TEP1: variants seen among roughly 807,000 people sequenced by gnomAD.
The protein encoded by TEP1 is telomerase associated protein 1.
TEP1 carries 241 observed loss-of-function variants against 306.3 expected under a neutral mutation model. The observed-to-expected ratio is 0.79, with a 90% CI of 0.71 to 0.88. The LOEUF is 0.88. Ranked by LOEUF, TEP1 falls within the 40% of genes least tolerant of loss-of-function variation. The probability of loss-of-function intolerance (pLI) is 0.00; values close to 1 mark genes in which losing one functional copy is unlikely to be tolerated. For missense variants in TEP1, 3,051 were observed against 3,276.1 expected (o/e 0.93, Z 1.68); for synonymous variants, 1,289 against 1,305.5 (o/e 0.99, Z 0.27).
intron 48 of TEP1, 49 bp from the exon 49 acceptor site, chr14:20,372,906 C>A: frequency 6.2e-7 from 1 of 1,613,338 alleles, no homozygotes; most frequent in East Asian, 2.2e-5. Flanking sequence ...AGCCAGGATG[C>A]ACCATCTTTT....
In TEP1 at chr14:20,367,503, G is replaced by C. The variant is rs1884541215; in HGVS notation, c.*934C>G. ...AAGACACTTTCGTGATCTCTTCTGA[G>C]AATGCCAATTACCATATTGACTAAA... On this transcript the variant is annotated 3_prime_UTR_variant, in exon 55 of 55. Coordinates refer to ENST00000262715, the MANE Select transcript of TEP1 (RefSeq NM_007110.5). 6.6e-6 allele frequency: 1 copy of C among 152,008 alleles called. No individual in the cohort carries two copies. The highest frequency in any genetic ancestry group is 1.5e-5 in the Non-Finnish European group (1 of 68,028). The allele number at this position is 152,008 out of a possible 1,614,324, so 9.4% of individuals were successfully genotyped here.
intron 9 of TEP1, among the ~76,000 whole-genome samples, chr14:20,400,137 CAA>C (rs58121179): frequency 5.8e-3 from 468 of 80,378 alleles, no homozygotes; most frequent in East Asian, 0.015. Flanking sequence ...AACTCCGTCT[CAA>C]AAAAAAAAAA....
chr14:20,374,122 C>A (rs1274626177), intron 44 of TEP1, among the ~76,000 whole-genome samples: 2 of 150,596 alleles, frequency 1.3e-5, no homozygotes, highest in Admixed American at 1.3e-4. Context: ...GGGTCTCACT[C>A]TGTTACACTG....
chr14:20,373,838 G>C (rs746648822), intron 44 of TEP1, 28 bp from the exon 45 acceptor site: 5 of 1,605,736 alleles, frequency 3.1e-6, no homozygotes, highest in Admixed American at 1.7e-5. Flanking sequence ...GATCAGAGCA[G>C]AGTCATATTG....
chr14:20,378,873 T>A lies in TEP1; in HGVS notation c.5253-20A>T. 1 of 1,614,038 alleles carries A rather than the reference T, an allele frequency of 6.2e-7. No homozygotes were observed. Among genetic ancestry groups the A allele is most frequent in the Non-Finnish European group, 8.5e-7 (1 of 1,179,894 alleles). ...AGCACCCTATCCCAGGAAGATGAAGTCAGTCCTCTGGACCCTGGCCATCAG... is the reference window on the plus strand; with the variant it reads ...AGCACCCTATCCCAGGAAGATGAAGACAGTCCTCTGGACCCTGGCCATCAG... On this transcript the variant is annotated intron_variant, in intron 36 of 54. Coordinates refer to ENST00000262715, the MANE Select transcript of TEP1 (RefSeq NM_007110.5).
In TEP1 at chr14:20,408,286, G is replaced by C; in HGVS notation, c.154C>G (p.Leu52Val). 1 of 1,613,964 alleles carries C rather than the reference G, an allele frequency of 6.2e-7. No individual in the cohort carries two copies. Among genetic ancestry groups the C allele is most frequent in the African/African-American group, 1.3e-5 (1 of 74,956 alleles). ...SDILSLKNQC[L>V]ATLPDLKTME... The stretch of plus-strand genomic sequence containing the variant: ...GTCTTCAGGTCAGGAAGCGTGGCTA[G>C]GCACTGGTTCTTCAAGGAGAGGATA... Residue 52 changes from leucine to valine, a missense_variant, in exon 2 of 55, where the codon CTA (leucine) becomes GTA (valine). Coordinates refer to ENST00000262715, the MANE Select transcript of TEP1 (RefSeq NM_007110.5).
rs1879292445 is a variant in TEP1, at chr14:20,407,744, G to A, written c.567+129C>T. ...TGGTCCTGCAACAAAAGGCACCTTA[G>A]GAGAGGCTCTGAGGAGAGAAGATAG... On this transcript the variant is annotated intron_variant, in intron 2 of 54. Transcript: ENST00000262715. 22 of 833,906 alleles carry A rather than the reference G, an allele frequency of 2.6e-5. 1 individual carries two copies. The South Asian group carries it at 3.4e-4, about 13-fold the overall frequency. 51.7% of individuals were successfully genotyped at this position (833,906 alleles called of 1,614,324 possible).
At chr14:20,391,859 G>A (rs573082103) in intron 12 of TEP1, 92 bp from the exon 13 acceptor site, 2 of 1,415,064 alleles carry the variant, frequency 1.4e-6, no homozygotes, top group African/African-American at 1.4e-5. Context: ...ACTAAGTATT[G>A]AGTCTTCTCC....
In TEP1 at chr14:20,383,289, T is replaced by C. The variant is rs756452203; in HGVS notation, c.3932A>G (p.Gln1311Arg). ...AGLGETLEQS[Q>R]GAHVLALGPL... ...CCCCAAGGCCAGCACGTGGGCACCC[T>C]GGCTCTGCTCAAGGGTCTCCCCTAG... is the stretch of plus-strand genomic sequence containing the variant. The change falls in exon 27 of 55, where the codon CAG becomes CGG. Residue 1311 changes from glutamine to arginine, a missense_variant. Transcript: ENST00000262715. The C allele has an allele frequency of 6.2e-7, 1 of 1,613,198 alleles. No individual in the cohort carries two copies. Among genetic ancestry groups the C allele is most frequent in the East Asian group, 2.2e-5 (1 of 44,866 alleles).
intron 1 of TEP1, among the ~76,000 whole-genome samples, chr14:20,410,486 GA>G (rs1879565322): frequency 6.6e-6 from 1 of 151,814 alleles, no homozygotes; most frequent in East Asian, 1.9e-4. Flanking sequence ...GCAATGGCAC[GA>G]TCTTGGCTCA....
chr14:20,388,154 C>T, intron 17 of TEP1, 91 bp from the exon 18 acceptor site: 1 of 1,445,552 alleles, frequency 6.9e-7, no homozygotes. Flanking sequence ...AAAGATATGT[C>T]CAGGTTTGGT....
At chr14:20,378,619 C>T (rs1357500310) in intron 37 of TEP1, 84 bp from the exon 38 acceptor site, 1 of 1,597,166 alleles carries the variant, frequency 6.3e-7, no homozygotes, top group African/African-American at 1.3e-5. Context: ...CAACCTTGTC[C>T]AGTTACCCTG....
chr14:20,402,780 T>C (rs1349280712), intron 7 of TEP1, among the ~76,000 whole-genome samples: 1 of 152,210 alleles, frequency 6.6e-6, no homozygotes, highest in African/African-American at 2.4e-5. Flanking sequence ...GTTTGGTTTG[T>C]TTTTAAAACT....
chr14:20,393,268 A>G (rs2139125911), intron 12 of TEP1, among the ~76,000 whole-genome samples: 1 of 152,162 alleles, frequency 6.6e-6, no homozygotes, highest in South Asian at 2.1e-4. Context: ...CTAGATAATC[A>G]CTGAATCTGA....
At chr14:20,406,964 T>C (rs999901103) in intron 2 of TEP1, among the ~76,000 whole-genome samples, 10 of 152,274 alleles carry the variant, frequency 6.6e-5, no homozygotes, top group Admixed American at 6.5e-4. Context: ...ATTAAATTCA[T>C]TTTAAAGGCG....
At chr14:20,404,559 A>C (rs1264967271) in intron 5 of TEP1, 52 bp downstream of exon 5, 1 of 1,573,306 alleles carries the variant, frequency 6.4e-7, no homozygotes, top group Admixed American at 1.8e-5. Context: ...TGCAGTGAGC[A>C]TAAGAGAAGG....
At chr14:20,398,999 C>T (rs1286086983) in intron 9 of TEP1, among the ~76,000 whole-genome samples, 1 of 152,080 alleles carries the variant, frequency 6.6e-6, no homozygotes, top group Non-Finnish European at 1.5e-5. Context: ...TCAAGCAATC[C>T]TCCTGCCTCA....
At position 20,388,044 on chromosome 14, in the gene TEP1, C is replaced by T. The variant is rs758467186; in HGVS notation, c.2545G>A (p.Ala849Thr). ...CCCACATGTTCCAGAAGATGGGAGG[C>T]CCCATGCTCTGCAATGAACCTGACA... The part of the protein sequence containing the change: ...AILKFIAEHG[A>T]SHLLEHVGQM... The change falls in exon 18 of 55, where the codon GCC (alanine) becomes ACC (threonine). Residue 849 changes from alanine to threonine, a missense_variant. Ala to Thr is a moderately conservative substitution (Grantham distance 58). Transcript: ENST00000262715. 14 of 1,613,834 alleles carry T rather than the reference C, an allele frequency of 8.7e-6. No individual in the cohort carries two copies. The highest frequency in any genetic ancestry group is 1.2e-5 in the Non-Finnish European group (14 of 1,179,968).
chr14:20,386,605 A>G lies in TEP1; in HGVS notation c.2703T>C (p.Leu901=), dbSNP rs145784365. Residue 901 remains leucine (L), a synonymous_variant, in exon 19 of 55, where the codon CTT becomes CTC. Coordinates refer to ENST00000262715, the MANE Select transcript of TEP1 (RefSeq NM_007110.5). ...TGTCTCGGAAAGTGGATGAAATGAA[A>G]AGCCGGATGCTGCGCCATCTGGGGA... The part of the protein sequence containing the change: ...VSQQGWRSIR[L]FISSTFRDMH... 1.9e-6 allele frequency: 3 copies of G among 1,604,036 alleles called. No individual in the cohort carries two copies. The highest frequency in any genetic ancestry group is 1.7e-5 in the Admixed American group (1 of 59,472).
Sources: gnomAD v4.1 joint callset for allele counts (sites outside exome capture counted in the v4.1 genomes callset) on GRCh38, gnomAD v4.1.1 for gene constraint, MANE v1.5 for transcripts, NCBI Gene and HGNC (gene_info 2026-07-23, HGNC 2026-07-21) for gene names.